NOXA1: variants seen among roughly 807,000 people sequenced by gnomAD.
The protein encoded by NOXA1 is NADPH oxidase activator 1.
A neutral mutation model predicts 64.8 loss-of-function variants in NOXA1; 56 were observed. The ratio of observed to expected loss-of-function variants is 0.86; its 90% CI spans 0.70 to 1.08. The LOEUF (loss-of-function observed/expected upper bound fraction) is 1.08, where lower values mean the gene tolerates loss of function less well. Among genes scored for constraint, NOXA1 ranks in the 50% least tolerant of loss-of-function variants. The pLI is 0.00. For missense variants in NOXA1, 668 were observed against 658.5 expected (o/e 1.01, Z -0.16); for synonymous variants, 295 against 294.8 (o/e 1.00, Z -0.01).
At position 137,423,549 on chromosome 9, in the gene NOXA1, T is replaced by C; in HGVS notation, c.20T>C (p.Leu7Pro). ...GCCGCCATGGCCTCTCTGGGGGACC[T>C]GGTGCGCGCCTGGCACCTGGGCGCG... MASLGD[L>P]VRAWHLGAQA... The change falls in exon 1 of 14, where the codon CTG becomes CCG. Residue 7 changes from leucine to proline, a missense_variant. Transcript: ENST00000683555. 1.4e-6 allele frequency: 2 copies of C among 1,441,536 alleles called. No individual in the cohort carries two copies. The highest frequency in any genetic ancestry group is 2.9e-5 in the East Asian group (1 of 34,434). 89.3% of individuals were successfully genotyped at this position (1,441,536 alleles called of 1,614,324 possible).
At position 137,431,107 on chromosome 9, in the gene NOXA1, G is replaced by A; in HGVS notation, c.698+7G>A. On this transcript the variant is annotated splice_region_variant and intron_variant, in intron 7 of 13. Transcript: ENST00000683555. This position sits in a 1 kb window ranked among gnomAD's most constrained non-coding sequence, Gnocchi z 5.6. ...GAGCGAACCATGATGCCAGGTAGGA[G>A]GGGCTGACTGGGCCCTGCGAGCGCG... The A allele has an allele frequency of 6.2e-7, 1 of 1,613,190 alleles. No individual in the cohort carries two copies. Among genetic ancestry groups the A allele is most frequent in the Non-Finnish European group, 8.5e-7 (1 of 1,179,980 alleles).
rs1433483273 is a variant in NOXA1, at chr9:137,434,015, C to T, written c.1230C>T (p.Tyr410=). The T allele has an allele frequency of 1.3e-6, 2 of 1,569,864 alleles. No individual in the cohort carries two copies. The highest frequency in any genetic ancestry group is 1.3e-5 in the African/African-American group (1 of 74,264). The change falls in exon 13 of 14, where the codon TAC becomes TAT. Residue 410 remains tyrosine (Y), a synonymous_variant. Coordinates refer to ENST00000683555, the MANE Select transcript of NOXA1 (RefSeq NM_001256067.2). ...VLYQVVAQHS[Y]SAQGPEDLGF... ...ACCAGGTGGTGGCCCAGCACAGCTACTCCGCCCAGGGGCCAGAGGACCTGG... is the reference window on the plus strand; with the variant it reads ...ACCAGGTGGTGGCCCAGCACAGCTATTCCGCCCAGGGGCCAGAGGACCTGG...
chr9:137,432,906 C>A, intron 8 of NOXA1, 123 bp from the exon 9 acceptor site: 2 of 1,082,804 alleles, frequency 1.8e-6, no homozygotes, highest in Non-Finnish European at 2.7e-6. Context: ...TCAACACCCA[C>A]AGACCACCTG....
Position 137,429,521 on chromosome 9 carries a change from A to T in NOXA1, c.612+138A>T. The T allele has an allele frequency of 4.7e-6, 3 of 635,442 alleles. No individual in the cohort carries two copies. The Middle Eastern group carries it at 1.1e-3, about 234-fold the overall frequency. 39.4% of individuals were successfully genotyped at this position (635,442 alleles called of 1,614,324 possible). ...GAGAGTGGGCCCACAGCCATCCTCAAACTGGCGCCCACGGTAGGGGGGCGG... is the reference window on the plus strand; with the variant it reads ...GAGAGTGGGCCCACAGCCATCCTCATACTGGCGCCCACGGTAGGGGGGCGG... On this transcript the variant is annotated intron_variant, in intron 5 of 13. Coordinates refer to ENST00000683555, the MANE Select transcript of NOXA1 (RefSeq NM_001256067.2).
intron 1 of NOXA1, among the ~76,000 whole-genome samples, chr9:137,424,252 G>A (rs1421201551): frequency 1.3e-5 from 2 of 152,204 alleles, no homozygotes; most frequent in Non-Finnish European, 2.9e-5. Context: ...AGGTGCCCAC[G>A]GTTACTGAAG....
At chr9:137,430,560 A>G (rs1821497807) in intron 5 of NOXA1, among the ~76,000 whole-genome samples, 1 of 152,250 alleles carries the variant, frequency 6.6e-6, no homozygotes, top group Non-Finnish European at 1.5e-5. Flanking sequence ...TAAGAAACCA[A>G]AATGTTTTTA....
chr9:137,423,755 C>G, intron 1 of NOXA1, 49 bp downstream of exon 1: 1 of 1,217,594 alleles, frequency 8.2e-7, no homozygotes, highest in Non-Finnish European at 1.0e-6. Context: ...CCGCCTCGAG[C>G]CCCTGGGGAG....
At chr9:137,430,371 C>T (rs868342169) in intron 5 of NOXA1, among the ~76,000 whole-genome samples, 3 of 152,086 alleles carry the variant, frequency 2.0e-5, no homozygotes, top group South Asian at 2.1e-4. Flanking sequence ...GGCCACGCCC[C>T]GGACTGGCCA....
At position 137,431,034 on chromosome 9, in the gene NOXA1, CG is replaced by C. The variant is rs1839086411; in HGVS notation, c.673-40del. The C allele has an allele frequency of 8.1e-6, 13 of 1,612,978 alleles. No individual in the cohort carries two copies. The Admixed American group carries it at 1.8e-4, about 23-fold the overall frequency. Reference sequence around the variant, plus strand: ...GTTCAGGAGGAGGGAGGGCGGCCCCCGACCCTTAACCAGAGCGAGGTTGTTG... The same window carrying C: ...GTTCAGGAGGAGGGAGGGCGGCCCCCACCCTTAACCAGAGCGAGGTTGTTG... On this transcript the variant is annotated intron_variant, in intron 6 of 13. Coordinates refer to ENST00000683555, the MANE Select transcript of NOXA1 (RefSeq NM_001256067.2). The surrounding 1 kb of genome is among the most constrained non-coding windows in gnomAD (Gnocchi z 5.6).
intron 6 of NOXA1, 22 bp downstream of exon 6, chr9:137,430,865 C>T (rs1192840926): frequency 1.4e-5 from 22 of 1,571,016 alleles, no homozygotes; most frequent in Non-Finnish European, 1.8e-5. Flanking sequence ...GCCCCTCAGA[C>T]CCCTGCCTGG....
At chr9:137,428,700 C>CGGGGGAGAAGCCAGGTGGGGGGACT (rs1838949517) in intron 3 of NOXA1, among the ~76,000 whole-genome samples, 182 bp from the exon 4 acceptor site, 1 of 124,748 alleles carries the variant, frequency 8.0e-6, no homozygotes, top group Non-Finnish European at 1.7e-5. Context: ...GGTGGGGAGA[C>CGGGGGAGAAGCCAGGTGGGGGGACT]GGGGGAGAAG....
At chr9:137,424,326 C>T (rs1838740534) in intron 1 of NOXA1, among the ~76,000 whole-genome samples, 1 of 152,274 alleles carries the variant, frequency 6.6e-6, no homozygotes, top group Admixed American at 6.5e-5. Flanking sequence ...CTCCACGCCC[C>T]TGACTGGCAA....
chr9:137,433,279 C>T lies in NOXA1; in HGVS notation c.909+16C>T, dbSNP rs750284899. ...GGGTGCTGGGGTAAGAGGCTCTAGA[C>T]CCTTCACCTGTCAGTCACCTGAGGG... On this transcript the variant is annotated intron_variant, in intron 10 of 13. Coordinates refer to ENST00000683555, the MANE Select transcript of NOXA1 (RefSeq NM_001256067.2). 2.6e-6 allele frequency: 4 copies of T among 1,555,210 alleles called. No homozygotes were observed. The highest frequency in any genetic ancestry group is 2.3e-5 in the East Asian group (1 of 43,418).
chr9:137,432,807 G>A (rs2131893354), intron 8 of NOXA1, among the ~76,000 whole-genome samples: 1 of 152,258 alleles, frequency 6.6e-6, no homozygotes, highest in South Asian at 2.1e-4. Flanking sequence ...TGGGGGACGG[G>A]GCGCTCCCTC....
intron 3 of NOXA1, 144 bp downstream of exon 3, chr9:137,428,285 G>A (rs948859762): frequency 2.7e-5 from 17 of 627,510 alleles, no homozygotes; most frequent in African/African-American, 7.4e-5. Context: ...TCCTTGACCC[G>A]CAGGAGGTTC....
At chr9:137,423,775 C>T (rs1313899941) in intron 1 of NOXA1, 69 bp downstream of exon 1, 2 of 1,157,488 alleles carry the variant, frequency 1.7e-6, no homozygotes, top group East Asian at 7.0e-5. Flanking sequence ...GGGCCCAGCG[C>T]CCCTCCCCGA....
At position 137,423,551 on chromosome 9, in the gene NOXA1, G is replaced by A. The variant is rs1838668037; in HGVS notation, c.22G>A (p.Val8Met). 1 of 1,445,164 alleles carries A rather than the reference G, an allele frequency of 6.9e-7. No individual in the cohort carries two copies. The highest frequency in any genetic ancestry group is 1.4e-5 in the South Asian group (1 of 70,852). 89.5% of individuals were successfully genotyped at this position (1,445,164 alleles called of 1,614,324 possible). A position where few individuals can be genotyped will look rare whatever the true frequency, so the allele number is the denominator to read the frequency against. MASLGDL[V>M]RAWHLGAQAV... ...CGCCATGGCCTCTCTGGGGGACCTGGTGCGCGCCTGGCACCTGGGCGCGCA... is the reference window on the plus strand; with the variant it reads ...CGCCATGGCCTCTCTGGGGGACCTGATGCGCGCCTGGCACCTGGGCGCGCA... The change falls in exon 1 of 14, where the codon GTG (valine) becomes ATG (methionine). Residue 8 changes from valine (V) to methionine (M), a missense_variant. Val to Met is a conservative substitution (Grantham distance 21). Coordinates refer to ENST00000683555, the MANE Select transcript of NOXA1 (RefSeq NM_001256067.2).
At chr9:137,426,184 G>A (rs1363545881) in intron 1 of NOXA1, 64 bp from the exon 2 acceptor site, 8 of 1,418,386 alleles carry the variant, frequency 5.6e-6, no homozygotes, top group Non-Finnish European at 6.0e-6. Flanking sequence ...CCATCACGCT[G>A]TATCTGTGAT....
At chr9:137,427,060 G>T (rs969590526) in intron 2 of NOXA1, among the ~76,000 whole-genome samples, 1 of 152,216 alleles carries the variant, frequency 6.6e-6, no homozygotes, top group South Asian at 2.1e-4. Flanking sequence ...GCCTCCCAAA[G>T]TGCTGGGATT....
Sources: gnomAD v4.1 joint callset for allele counts (sites outside exome capture counted in the v4.1 genomes callset) on GRCh38, gnomAD v4.1.1 for gene constraint, Gnocchi (gnomAD v3.1) non-coding constraint, MANE v1.5 for transcripts, NCBI Gene and HGNC (gene_info 2026-07-23, HGNC 2026-07-21) for gene names.